The following CPA1 variants were observed in gnomAD, a reference collection of about 807,000 sequenced individuals.
CPA1 encodes carboxypeptidase A1 (pancreatic).
A neutral mutation model predicts 48.7 loss-of-function variants in CPA1; 42 were observed. The ratio of observed to expected loss-of-function variants is 0.86; its 90% CI spans 0.67 to 1.11. The LOEUF is 1.11. Ranked by LOEUF, CPA1 falls within the 50% of genes most tolerant of loss-of-function variation. CPA1 has a pLI of 0.00. For missense variants in CPA1, 477 were observed against 544.7 expected (o/e 0.88, Z 1.24); for synonymous variants, 203 against 217.9 (o/e 0.93, Z 0.60).
rs535284895 is a variant in CPA1 at position 130,381,950 on chromosome 7, G to T, written c.381+87G>T. On this transcript the variant is annotated intron_variant, in intron 3 of 9. Transcript: ENST00000011292. ...CGCGGTAGGGCCAAGGCCAGGGCCA[G>T]CCTGGGTGTGCGCAGCGCCTGCTCT... 5.3e-5 allele frequency: 69 copies of T among 1,313,236 alleles called. No individual in the cohort carries two copies. In the African/African-American group the frequency reaches 8.7e-4, roughly 17 times the overall value. The allele number at this position is 1,313,236 out of a possible 1,614,324, so 81.3% of individuals were successfully genotyped here.
At chr7:130,385,416 A>C in intron 8 of CPA1, 71 bp downstream of exon 8, 1 of 1,413,604 alleles carries the variant, frequency 7.1e-7, no homozygotes, top group Non-Finnish European at 1.0e-6. Flanking sequence ...TTCCCCCATC[A>C]GACCTGCTTA....
rs934472612 is a variant in CPA1 at position 130,382,011 on chromosome 7, C to T, written c.382-97C>T. ...GGCCTGTGTGGTCGTAGCTCCATTG[C>T]AGGGCTCGCAGCAGGCTGGGACGGT... On this transcript the variant is annotated intron_variant, in intron 3 of 9. Coordinates refer to ENST00000011292, the MANE Select transcript of CPA1 (RefSeq NM_001868.4). The T allele has an allele frequency of 2.5e-6, 3 of 1,216,586 alleles. No individual in the cohort carries two copies. The African/African-American group carries it at 4.5e-5, about 18-fold the overall frequency. The allele number at this position is 1,216,586 out of a possible 1,614,324, so 75.4% of individuals were successfully genotyped here.
chr7:130,386,830 G>A (rs1796482759), intron 9 of CPA1, among the ~76,000 whole-genome samples: 1 of 152,180 alleles, frequency 6.6e-6, no homozygotes, highest in African/African-American at 2.4e-5. Flanking sequence ...ATGCTGGGGA[G>A]GAAAACTAAA....
At chr7:130,386,487 A>T (rs567438037) in intron 9 of CPA1, among the ~76,000 whole-genome samples, 81 of 152,006 alleles carry the variant, frequency 5.3e-4, no homozygotes, top group Non-Finnish European at 1.1e-3. Flanking sequence ...AGCCAAGAGC[A>T]CGCCACTGTA....
chr7:130,385,300 TC>T lies in CPA1; in HGVS notation c.945del (p.Tyr316MetfsTer22). The T allele has an allele frequency of 6.2e-7, 1 of 1,614,146 alleles. No individual in the cohort carries two copies. Among genetic ancestry groups the T allele is most frequent in the Non-Finnish European group, 8.5e-7 (1 of 1,180,024 alleles). The part of the protein sequence containing the change: ...IHSYSQLLMY[P>X]YGYKTEPVPD... Reference sequence around the variant, plus strand: ...ACAGCTACTCCCAGCTCCTCATGTATCCCTATGGCTACAAAACAGAACCAGT... The same window carrying T: ...ACAGCTACTCCCAGCTCCTCATGTATCCTATGGCTACAAAACAGAACCAGT... On this transcript the variant is annotated frameshift_variant, in exon 8 of 10. Transcript: ENST00000011292. LOFTEE classifies it high-confidence loss of function.
At chr7:130,381,050 A>T (rs782736982) in intron 1 of CPA1, 48 bp from the exon 2 acceptor site, 1 of 1,500,710 alleles carries the variant, frequency 6.7e-7, no homozygotes, top group Non-Finnish European at 9.2e-7. Flanking sequence ...GCTTGTGGCC[A>T]GGGCAGGTGC....
At chr7:130,384,473 C>CT (rs1554411696) in intron 6 of CPA1, 63 bp from the exon 7 acceptor site, 23 of 1,454,646 alleles carry the variant, frequency 1.6e-5, no homozygotes, top group East Asian at 2.3e-5. Flanking sequence ...AACCACCCCC[C>CT]ACCCAGCACT....
intron 8 of CPA1, among the ~76,000 whole-genome samples, chr7:130,385,551 T>C (rs1796464053): frequency 6.6e-6 from 1 of 152,192 alleles, no homozygotes; most frequent in Non-Finnish European, 1.5e-5. Flanking sequence ...ACTTCTGTAA[T>C]GTGACAGAGC....
At chr7:130,384,153 T>A in intron 6 of CPA1, 1 of 432,552 alleles carries the variant, frequency 2.3e-6, no homozygotes, top group Admixed American at 3.8e-5. Context: ...AGACCTTACT[T>A]CCTGGTCCTA....
chr7:130,385,867 C>A lies in CPA1; in HGVS notation c.1016C>A (p.Ala339Asp), dbSNP rs1796467819. The change falls in exon 9 of 10, where the codon GCC becomes GAC. Residue 339 changes from alanine (A) to aspartate (D), a missense_variant. Ala to Asp is a moderately radical substitution (Grantham distance 126, BLOSUM62 -2). Coordinates refer to ENST00000011292, the MANE Select transcript of CPA1 (RefSeq NM_001868.4). ...LDQLSKAAVTALASLYGTKFN... is the reference protein window; with the variant it reads ...LDQLSKAAVTDLASLYGTKFN... ...CAGCTTTCCAAGGCTGCTGTGACAG[C>A]CCTGGCCTCTCTCTACGGGACCAAG... The A allele has an allele frequency of 1.9e-6, 3 of 1,614,150 alleles. No homozygotes were observed. Among genetic ancestry groups the A allele is most frequent in the Non-Finnish European group, 2.5e-6 (3 of 1,180,010 alleles).
rs886872460 is a variant in CPA1 at position 130,383,879 on chromosome 7, C to G, written c.696+85C>G. 4 of 1,017,456 alleles carry G rather than the reference C, an allele frequency of 3.9e-6. No individual in the cohort carries two copies. The Admixed American group carries it at 6.9e-5, about 18-fold the overall frequency. 63.0% of individuals were successfully genotyped at this position (1,017,456 alleles called of 1,614,324 possible). On this transcript the variant is annotated intron_variant, in intron 6 of 9. Transcript: ENST00000011292. ...CAAGTAGTTCACCCCTAATCTCAAG[C>G]CCCAGAAGTCAAGGGAGGGGCAATC...
chr7:130,386,645 A>C (rs1286748243), intron 9 of CPA1, among the ~76,000 whole-genome samples: 2 of 152,214 alleles, frequency 1.3e-5, no homozygotes, highest in Admixed American at 1.3e-4. Flanking sequence ...GCATTACTGA[A>C]TCAAAATGGA....
At chr7:130,382,966 A>G (rs1442236035) in intron 4 of CPA1, among the ~76,000 whole-genome samples, 1 of 150,846 alleles carries the variant, frequency 6.6e-6, no homozygotes, top group Admixed American at 6.6e-5. Flanking sequence ...TTTTTAGTAG[A>G]GACAGGGTTT....
chr7:130,386,004 G>A, intron 9 of CPA1, 81 bp downstream of exon 9: 1 of 1,312,240 alleles, frequency 7.6e-7, no homozygotes, highest in South Asian at 1.3e-5. Context: ...TATCCCTCAT[G>A]GAAGGAAGTA....
Position 130,383,679 on chromosome 7 carries a change from C to A in CPA1, c.586-5C>A. 6.2e-7 allele frequency: 1 copy of A among 1,610,418 alleles called. No homozygotes were observed. The highest frequency in any genetic ancestry group is 8.5e-7 in the Non-Finnish European group (1 of 1,176,560). ...CGCTGCCCCTCTGCTCCTCTAACCC[C>A]CCAGATCACTCAAGACTACGGGCAG... On this transcript the variant is annotated splice_polypyrimidine_tract_variant and splice_region_variant and intron_variant, in intron 5 of 9. Coordinates refer to ENST00000011292, the MANE Select transcript of CPA1 (RefSeq NM_001868.4).
rs782530612 is a variant in CPA1, at chr7:130,385,826, G to A, written c.988-13G>A. Reference sequence around the variant, plus strand: ...TGGCCATGACAGGTGGCTTTGCTTGGTGTTTTGTCCAGGATCAGCTTTCCA... The same window carrying A: ...TGGCCATGACAGGTGGCTTTGCTTGATGTTTTGTCCAGGATCAGCTTTCCA... On this transcript the variant is annotated splice_polypyrimidine_tract_variant and intron_variant, in intron 8 of 9. Coordinates refer to ENST00000011292, the MANE Select transcript of CPA1 (RefSeq NM_001868.4). The A allele has an allele frequency of 6.2e-7, 1 of 1,612,262 alleles. No homozygotes were observed. Among genetic ancestry groups the A allele is most frequent in the Non-Finnish European group, 8.5e-7 (1 of 1,178,758 alleles).
At chr7:130,381,463 C>G (rs1796402663) in intron 2 of CPA1, among the ~76,000 whole-genome samples, 167 bp from the exon 3 acceptor site, 1 of 152,144 alleles carries the variant, frequency 6.6e-6, no homozygotes, top group South Asian at 2.1e-4. Context: ...ACTCTCCAGT[C>G]CCCAGGGTTT....
In CPA1 at chr7:130,385,922, T is replaced by C; in HGVS notation, c.1071T>C (p.Ile357=). 5 of 1,613,436 alleles carry C rather than the reference T, an allele frequency of 3.1e-6. No homozygotes were observed. Among genetic ancestry groups the C allele is most frequent in the South Asian group, 2.2e-5 (2 of 90,992 alleles). Residue 357 remains isoleucine (I), a splice_region_variant and synonymous_variant, in exon 9 of 10, where the codon ATT becomes ATC. Coordinates refer to ENST00000011292, the MANE Select transcript of CPA1 (RefSeq NM_001868.4). ...KFNYGSIIKA[I]YQASGSTIDW... ...ACTATGGCAGCATCATCAAGGCAAT[T>C]TGTAAGTGGCCGTAGGGTCTCTCTT...
rs1554411333 is a variant in CPA1, at chr7:130,382,240, A to T, written c.483+31A>T. ...ATCCACATGTGGACATACACAGGGG[A>T]GAATGGACCCACACGTGGCATCCGT... On this transcript the variant is annotated intron_variant, in intron 4 of 9. Coordinates refer to ENST00000011292, the MANE Select transcript of CPA1 (RefSeq NM_001868.4). 4.5e-6 allele frequency: 7 copies of T among 1,554,770 alleles called. No individual in the cohort carries two copies. The African/African-American group carries it at 9.5e-5, about 21-fold the overall frequency.
Sources: allele counts gnomAD v4.1 joint callset (sites outside exome capture counted in the v4.1 genomes callset), GRCh38; gene constraint gnomAD v4.1.1; transcripts MANE v1.5; gene names NCBI Gene and HGNC (gene_info 2026-07-23, HGNC 2026-07-21).